Variants in PTPN12 observed in about 807,000 individuals in gnomAD.
PTPN12 encodes the protein tyrosine-protein phosphatase non-receptor type 12.
PTPN12 carries 29 observed loss-of-function variants against 97.6 expected under a neutral mutation model. That is an observed-to-expected ratio of 0.30 (90% confidence interval 0.22 to 0.41). The LOEUF (loss-of-function observed/expected upper bound fraction) is 0.41, where lower values mean the gene tolerates loss of function less well. Ranked by LOEUF, PTPN12 falls within the 10% of genes least tolerant of loss-of-function variation. The pLI is 1.00. For missense variants in PTPN12, 819 were observed against 926.0 expected, an observed-to-expected ratio of 0.88 and a Z score of 1.50; for synonymous variants, 327 against 300.4, an observed-to-expected ratio of 1.09 and a Z score of -0.91.
intron 1 of PTPN12, among the ~76,000 whole-genome samples, chr7:77,542,320 T>C (rs1807016941): frequency 6.6e-6 from 1 of 152,204 alleles, no homozygotes; most frequent in Admixed American, 6.5e-5. Context: ...TCCAGCCTGC[T>C]CCTTGAGTTG....
In PTPN12 at chr7:77,610,765, A is replaced by C; in HGVS notation, c.763A>C (p.Lys255Gln). Residue 255 changes from lysine to glutamine, a missense_variant and splice_region_variant, in exon 10 of 18, where the codon AAA (lysine) becomes CAA (glutamine). Coordinates refer to ENST00000248594, the MANE Select transcript of PTPN12 (RefSeq NM_002835.4). The stretch of plus-strand genomic sequence containing the variant: ...TGATGTATTAAATTTTCTGTTTTAG[A>C]AAATACCAGAGGAATTTAATGTATT... ...DYTWNLLKAG[K>Q]IPEEFNVFNL... is the part of the protein sequence containing the mutation. The C allele has an allele frequency of 6.3e-7, 1 of 1,592,972 alleles. No homozygotes were observed. Among genetic ancestry groups the C allele is most frequent in the East Asian group, 2.2e-5 (1 of 44,692 alleles).
intron 1 of PTPN12, among the ~76,000 whole-genome samples, chr7:77,546,140 C>T (rs1178381044): frequency 6.6e-6 from 1 of 152,010 alleles, no homozygotes; most frequent in Non-Finnish European, 1.5e-5. Flanking sequence ...CCATGTTGGC[C>T]AGGATGGTCT....
intron 1 of PTPN12, among the ~76,000 whole-genome samples, chr7:77,564,720 GTTTTGTTGTTGTT>G (rs1438606294): frequency 6.0e-5 from 5 of 83,252 alleles, no homozygotes; most frequent in African/African-American, 2.1e-4. Flanking sequence ...CTCATACTGT[GTTTTGTTGTTGTT>G]TTTTGTTGTC....
rs372099796 is a variant in PTPN12, at chr7:77,609,274, T to TCTC, written c.763-1491_763-1490insCTC. On this transcript the variant is annotated intron_variant, in intron 9 of 17. Transcript: ENST00000248594. ...TTTTGAACATAGTTCTCTCTCTCTC[T>TCTC]TTTTTTTTTTTTTTTGAGATGGAGT... 2.9e-3 allele frequency among the ~76,000 whole-genome samples: 48 copies of TCTC among 16,556 alleles called. No homozygotes were observed. In the South Asian group the frequency reaches 0.046, roughly 16 times the overall value. The allele number at this position is 16,556 out of a possible 152,430, so 10.9% of individuals were successfully genotyped here. A position where few individuals can be genotyped will look rare whatever the true frequency, so the allele number is the denominator to read the frequency against.
chr7:77,591,800 T>C (rs1240046906), intron 5 of PTPN12, among the ~76,000 whole-genome samples: 3 of 152,228 alleles, frequency 2.0e-5, no homozygotes, highest in Non-Finnish European at 4.4e-5. Flanking sequence ...CAGCCAGATA[T>C]TTGTAGAGAT....
intron 16 of PTPN12, among the ~76,000 whole-genome samples, chr7:77,638,294 G>A (rs1789678343): frequency 6.6e-6 from 1 of 151,984 alleles, no homozygotes; most frequent in South Asian, 2.1e-4. Context: ...CATTTCAGTT[G>A]CAACTATTCC....
At position 77,630,346 on chromosome 7, in the gene PTPN12, T is replaced by C. The variant is rs1047730837; in HGVS notation, c.1997-2002T>C. Among the ~76,000 whole-genome samples the C allele has an allele frequency of 4.6e-5, 7 of 152,190 alleles. No homozygotes were observed. In the South Asian group the frequency reaches 1.4e-3, roughly 32 times the overall value. On this transcript the variant is annotated intron_variant, in intron 13 of 17. Transcript: ENST00000248594. ...TGAATTACAGTCACACATTTCTTAA[T>C]GGCAGGGATATGTTCTAAGAAAAAT...
At chr7:77,606,736 C>T (rs1788385218) in intron 8 of PTPN12, among the ~76,000 whole-genome samples, 1 of 152,174 alleles carries the variant, frequency 6.6e-6, no homozygotes, top group South Asian at 2.1e-4. Flanking sequence ...GGAAGTATGT[C>T]CTGCTTGCAA....
intron 7 of PTPN12, among the ~76,000 whole-genome samples, chr7:77,599,066 T>C (rs1346277027): frequency 1.3e-5 from 2 of 151,536 alleles, no homozygotes; most frequent in East Asian, 3.8e-4. Flanking sequence ...AGTCTTGACA[T>C]TTATGCTTAT....
intron 9 of PTPN12, among the ~76,000 whole-genome samples, chr7:77,610,134 G>A (rs764045779): frequency 2.0e-5 from 3 of 152,118 alleles, no homozygotes; most frequent in Non-Finnish European, 4.4e-5. Flanking sequence ...TGCAGTAGTC[G>A]CAATTCCATA....
chr7:77,550,537 C>T (rs1325568490), intron 1 of PTPN12, among the ~76,000 whole-genome samples: 1 of 152,104 alleles, frequency 6.6e-6, no homozygotes, highest in Non-Finnish European at 1.5e-5. Flanking sequence ...AGTTTTTTTA[C>T]ATTATTAACT....
rs773679017 is a variant in PTPN12, at chr7:77,638,641, A to G, written c.2191A>G (p.Ile731Val). Residue 731 changes from isoleucine (I) to valine (V), a missense_variant, in exon 17 of 18, where the codon ATT (isoleucine) becomes GTT (valine). Physicochemically the swap from Ile to Val is conservative, Grantham distance 29 (BLOSUM62 3). Transcript: ENST00000248594. ...NEKCDHPAGG[I>V]HYEMCIECPP... ...CTACTTAGATCATCCAGCGGGAGGT[A>G]TTCACTATGAAATGTGCATAGAATG... 1 of 1,598,114 alleles carries G rather than the reference A, an allele frequency of 6.3e-7. No individual in the cohort carries two copies. Among genetic ancestry groups the G allele is most frequent in the Non-Finnish European group, 8.5e-7 (1 of 1,174,340 alleles).
chr7:77,545,501 G>T (rs551496577), intron 1 of PTPN12, among the ~76,000 whole-genome samples: 1 of 149,914 alleles, frequency 6.7e-6, no homozygotes, highest in South Asian at 2.1e-4. Flanking sequence ...CAAAACATAT[G>T]ATCCAAGTGC....
chr7:77,628,649 C>T (rs759324580), intron 13 of PTPN12, among the ~76,000 whole-genome samples: 9 of 149,366 alleles, frequency 6.0e-5, no homozygotes, highest in African/African-American at 9.9e-5. Context: ...GGCAAGATCT[C>T]GGCTCAGCCT....
At chr7:77,614,515 A>G (rs1426631744) in intron 11 of PTPN12, among the ~76,000 whole-genome samples, 1 of 152,232 alleles carries the variant, frequency 6.6e-6, no homozygotes, top group African/African-American at 2.4e-5. Context: ...GGTACATAGT[A>G]GACATAAACT....
intron 1 of PTPN12, among the ~76,000 whole-genome samples, chr7:77,540,087 C>CGTCAGGAAGGA (rs1372429970): frequency 6.6e-6 from 1 of 152,076 alleles, no homozygotes; most frequent in African/African-American, 2.4e-5. Context: ...AGGCATATAC[C>CGTCAGGAAGGA]GTCAGGAAGG....
chr7:77,583,989 T>C (rs1787604057), intron 4 of PTPN12, among the ~76,000 whole-genome samples: 2 of 152,340 alleles, frequency 1.3e-5, no homozygotes, highest in East Asian at 3.9e-4. Flanking sequence ...TTTGAGTCCC[T>C]CTTCTCAGGA....
chr7:77,618,533 T>C lies in PTPN12; in HGVS notation c.993T>C (p.Asp331=), dbSNP rs760888381. ...MVSSIEPEKQ[D]SPPPKPPRTR... ...GCTCCATAGAGCCTGAAAAACAAGA[T>C]TCTCCTCCTCCAAAACCACCAAGGA... The change falls in exon 12 of 18, where the codon GAT becomes GAC. Residue 331 remains aspartate, a synonymous_variant. Transcript: ENST00000248594. 2 of 1,609,568 alleles carry C rather than the reference T, an allele frequency of 1.2e-6. No homozygotes were observed. The highest frequency in any genetic ancestry group is 1.1e-5 in the South Asian group (1 of 90,790).
chr7:77,624,716 G>T (rs1257412574), intron 12 of PTPN12, among the ~76,000 whole-genome samples: 2 of 151,866 alleles, frequency 1.3e-5, no homozygotes, highest in Non-Finnish European at 2.9e-5. Flanking sequence ...TAGGATTACA[G>T]GCGTGAGCCA....
Sources: allele counts gnomAD v4.1 joint callset (sites outside exome capture counted in the v4.1 genomes callset), GRCh38; gene constraint gnomAD v4.1.1; transcripts MANE v1.5; gene names NCBI Gene and HGNC (gene_info 2026-07-23, HGNC 2026-07-21).